Variants in ASIC1 observed in about 807,000 individuals in gnomAD.
The protein encoded by ASIC1 is acid-sensing ion channel 1.
Under a neutral mutation model 63.4 loss-of-function variants are expected in ASIC1, and 21 were observed. The ratio of observed to expected loss-of-function variants is 0.33; its 90% CI spans 0.23 to 0.48. The LOEUF is 0.48. Ranked by LOEUF, ASIC1 falls within the 20% of genes least tolerant of loss-of-function variation. ASIC1 has a pLI of 0.99. For missense variants in ASIC1, 478 were observed against 695.5 expected (o/e 0.69, Z 3.52); for synonymous variants, 258 against 278.2 (o/e 0.93, Z 0.72).
rs931839447 is a variant in ASIC1 at position 50,074,014 on chromosome 12, G to A, written c.559-3199G>A. The A allele has an allele frequency of 4.6e-6, 7 of 1,534,958 alleles. No homozygotes were observed. The African/African-American group carries it at 6.8e-5, about 15-fold the overall frequency. On this transcript the variant is annotated intron_variant, in intron 3 of 11. Coordinates refer to ENST00000447966, the MANE Select transcript of ASIC1 (RefSeq NM_001095.4). The surrounding 1 kb of genome is among the most constrained non-coding windows in gnomAD (Gnocchi z 4.2). ...AGTCACCCTCTGCAACACTAATGCTGTGCGGCTGTCCCAGCTCAGCTACCC... is the reference window on the plus strand; with the variant it reads ...AGTCACCCTCTGCAACACTAATGCTATGCGGCTGTCCCAGCTCAGCTACCC...
intron 3 of ASIC1, among the ~76,000 whole-genome samples, chr12:50,061,118 C>T (rs1385612395): frequency 6.6e-6 from 1 of 152,152 alleles, no homozygotes; most frequent in African/African-American, 2.4e-5. Flanking sequence ...CCAGTCTTTT[C>T]CAGGACCCTT....
At position 50,081,379 on chromosome 12, in the gene ASIC1, G is replaced by A. The variant is rs868055610; in HGVS notation, c.1482+15G>A. 6 of 1,573,758 alleles carry A rather than the reference G, an allele frequency of 3.8e-6. No homozygotes were observed. The highest frequency in any genetic ancestry group is 1.2e-5 in the South Asian group (1 of 86,428). On this transcript the variant is annotated intron_variant, in intron 11 of 11. Coordinates refer to ENST00000447966, the MANE Select transcript of ASIC1 (RefSeq NM_001095.4). The stretch of plus-strand genomic sequence containing the variant: ...TCAAAAGACACGTGAGGGAGCGAGC[G>A]AGGGCGCCCTCCAGCCCGCCTGTGC...
chr12:50,078,921 T>C lies in ASIC1; in HGVS notation c.995-3T>C. The C allele has an allele frequency of 1.9e-6, 3 of 1,613,702 alleles. No individual in the cohort carries two copies. The South Asian group carries it at 3.3e-5, about 18-fold the overall frequency. ...CTGCATCATTGTCTTTTCTCCTCTG[T>C]AGGGGATGCCCCATACTGTACTCCA... On this transcript the variant is annotated splice_polypyrimidine_tract_variant and splice_region_variant and intron_variant, in intron 6 of 11. Transcript: ENST00000447966. The surrounding 1 kb of genome is among the most constrained non-coding windows in gnomAD (Gnocchi z 6.0).
chr12:50,063,225 C>T (rs1199596635), intron 3 of ASIC1, among the ~76,000 whole-genome samples: 1 of 152,162 alleles, frequency 6.6e-6, no homozygotes, highest in Non-Finnish European at 1.5e-5. Flanking sequence ...CAGCTGTCTG[C>T]TGGTGTCTGG....
Position 50,058,756 on chromosome 12 carries a change from C to G in ASIC1, c.-11C>G, listed in dbSNP as rs1312338916. 1.3e-6 allele frequency: 2 copies of G among 1,565,578 alleles called. No homozygotes were observed. Among genetic ancestry groups the G allele is most frequent in the Admixed American group, 3.5e-5 (2 of 57,066 alleles). On this transcript the variant is annotated 5_prime_UTR_variant, in exon 2 of 12. Coordinates refer to ENST00000447966, the MANE Select transcript of ASIC1 (RefSeq NM_001095.4). ...GTCCCTCCCTCCTCCCCCAGGATCCCCTCAACAAGGATGGAACTGAAGGCC... is the reference window on the plus strand; with the variant it reads ...GTCCCTCCCTCCTCCCCCAGGATCCGCTCAACAAGGATGGAACTGAAGGCC...
chr12:50,065,085 AG>A (rs1303977963), intron 3 of ASIC1, among the ~76,000 whole-genome samples: 1 of 152,162 alleles, frequency 6.6e-6, no homozygotes, highest in Non-Finnish European at 1.5e-5. Context: ...GGAAAATGCC[AG>A]GTTCATAGAA....
chr12:50,078,706 GTC>G lies in ASIC1; in HGVS notation c.994+135_994+136del. 3 of 1,453,664 alleles carry G rather than the reference GTC, an allele frequency of 2.1e-6. No homozygotes were observed. The highest frequency in any genetic ancestry group is 2.8e-5 in the African/African-American group (2 of 71,698). The allele number at this position is 1,453,664 out of a possible 1,614,324, so 90.0% of individuals were successfully genotyped here. The stretch of plus-strand genomic sequence containing the variant: ...CCCATCCCACACCCACCTGGCTCAT[GTC>G]TCTCTGACCTCAGTTCCCGCCTGCA... On this transcript the variant is annotated intron_variant, in intron 6 of 11. Transcript: ENST00000447966. The surrounding 1 kb of genome is among the most constrained non-coding windows in gnomAD (Gnocchi z 6.0).
rs551010272 is a variant in ASIC1, at chr12:50,060,907, C to T, written c.558+953C>T. Reference sequence around the variant, plus strand: ...TGCTTTCTAGGCTCCCCTCAATCCCCTTGATACATAATCACATTACCTCTG... The same window carrying T: ...TGCTTTCTAGGCTCCCCTCAATCCCTTTGATACATAATCACATTACCTCTG... On this transcript the variant is annotated intron_variant, in intron 3 of 11. Transcript: ENST00000447966. Among the ~76,000 whole-genome samples, 140 of 152,338 alleles carry T rather than the reference C, an allele frequency of 9.2e-4. 1 individual carries two copies. Among genetic ancestry groups the T allele is most frequent in the Non-Finnish European group, 1.7e-3 (115 of 68,038 alleles).
Position 50,078,733 on chromosome 12 carries a change from AC to A in ASIC1, c.994+161del. On this transcript the variant is annotated intron_variant, in intron 6 of 11. Coordinates refer to ENST00000447966, the MANE Select transcript of ASIC1 (RefSeq NM_001095.4). This position sits in a 1 kb window ranked among gnomAD's most constrained non-coding sequence, Gnocchi z 6.0. ...CTCTCTGACCTCAGTTCCCGCCTGC[AC>A]CCCCAGGGATGGGTGGGAAGGGTCT... 1 of 1,361,032 alleles carries A rather than the reference AC, an allele frequency of 7.3e-7. No homozygotes were observed. The highest frequency in any genetic ancestry group is 1.0e-6 in the Non-Finnish European group (1 of 968,706). 84.3% of individuals were successfully genotyped at this position (1,361,032 alleles called of 1,614,324 possible). A position where few individuals can be genotyped will look rare whatever the true frequency, so the allele number is the denominator to read the frequency against.
Position 50,078,198 on chromosome 12 carries a change from G to A in ASIC1, c.837+71G>A. 6.4e-7 allele frequency: 1 copy of A among 1,563,872 alleles called. No homozygotes were observed. Among genetic ancestry groups the A allele is most frequent in the East Asian group, 2.2e-5 (1 of 44,582 alleles). On this transcript the variant is annotated intron_variant, in intron 5 of 11. Coordinates refer to ENST00000447966, the MANE Select transcript of ASIC1 (RefSeq NM_001095.4). The surrounding 1 kb of genome is among the most constrained non-coding windows in gnomAD (Gnocchi z 6.0). ...GTCCAGATGGAGTGGTGGGCAATCA[G>A]TAATGGGAAGGACAGGTGAGCAAGG...
In ASIC1 at chr12:50,074,077, G is replaced by GA; in HGVS notation, c.559-3133dup. 6.5e-7 allele frequency: 1 copy of GA among 1,535,314 alleles called. No homozygotes were observed. The highest frequency in any genetic ancestry group is 8.7e-7 in the Non-Finnish European group (1 of 1,146,410). On this transcript the variant is annotated intron_variant, in intron 3 of 11. Coordinates refer to ENST00000447966, the MANE Select transcript of ASIC1 (RefSeq NM_001095.4). This position sits in a 1 kb window ranked among gnomAD's most constrained non-coding sequence, Gnocchi z 4.2. The stretch of plus-strand genomic sequence containing the variant: ...TTTGGCCCCCATGCTGGGACTGGAT[G>GA]AAAGTGATGACCCCGGGGTGCCCCT...
At chr12:50,069,120 C>A (rs902558458) in intron 3 of ASIC1, among the ~76,000 whole-genome samples, 1 of 152,296 alleles carries the variant, frequency 6.6e-6, no homozygotes, top group Non-Finnish European at 1.5e-5. Flanking sequence ...TCCTTCCAGG[C>A]CTTTGCATAC....
intron 3 of ASIC1, among the ~76,000 whole-genome samples, chr12:50,064,466 A>G (rs1950528622): frequency 1.3e-5 from 2 of 152,122 alleles, no homozygotes; most frequent in South Asian, 4.1e-4. Flanking sequence ...TTCTGACTCC[A>G]TCCCTCTCTC....
In ASIC1 at chr12:50,078,865, C is replaced by G. The variant is rs1192973940; in HGVS notation, c.995-59C>G. ...TACACCTTCTAGGCCTTTGGTACTACCACCATCACCAGACCCCTTGAATTC... is the reference window on the plus strand; with the variant it reads ...TACACCTTCTAGGCCTTTGGTACTAGCACCATCACCAGACCCCTTGAATTC... On this transcript the variant is annotated intron_variant, in intron 6 of 11. Transcript: ENST00000447966. This position sits in a 1 kb window ranked among gnomAD's most constrained non-coding sequence, Gnocchi z 6.0. The G allele has an allele frequency of 6.4e-7, 1 of 1,568,062 alleles. No individual in the cohort carries two copies. Among genetic ancestry groups the G allele is most frequent in the East Asian group, 2.2e-5 (1 of 44,636 alleles).
chr12:50,079,087 C>A, intron 7 of ASIC1, 107 bp downstream of exon 7: 2 of 1,087,740 alleles, frequency 1.8e-6, no homozygotes, highest in Non-Finnish European at 2.7e-6. Flanking sequence ...AACTCCTGGA[C>A]TGGGCTGCAC....
Position 50,058,993 on chromosome 12 carries a change from A to G in ASIC1, c.227A>G (p.Lys76Arg). 6.2e-7 allele frequency: 1 copy of G among 1,614,184 alleles called. No homozygotes were observed. The highest frequency in any genetic ancestry group is 8.5e-7 in the Non-Finnish European group (1 of 1,180,028). ...QYYFHYHHVTKLDEVAASQLT... is the reference protein window; with the variant it reads ...QYYFHYHHVTRLDEVAASQLT... ...TACTTCCACTACCACCATGTCACCA[A>G]GCTCGACGAGGTGGCTGCCTCTCAG... Residue 76 changes from lysine (K) to arginine (R), a missense_variant, in exon 2 of 12, where the codon AAG becomes AGG. Around this residue, in one of 3 missense-constraint regions of ASIC1, gnomAD observed 290 missense variants for 414.9 expected, o/e 0.70. Transcript: ENST00000447966.
Position 50,070,663 on chromosome 12 carries a change from A to T in ASIC1, c.559-6550A>T, listed in dbSNP as rs138293761. 5.1e-3 allele frequency: 779 copies of T among 152,274 alleles called. 1 individual carries two copies. Among genetic ancestry groups the T allele is most frequent in the Non-Finnish European group, 8.4e-3 (569 of 68,030 alleles). The allele number at this position is 152,274 out of a possible 1,614,324, so 9.4% of individuals were successfully genotyped here. A position where few individuals can be genotyped will look rare whatever the true frequency, so the allele number is the denominator to read the frequency against. On this transcript the variant is annotated intron_variant, in intron 3 of 11. Coordinates refer to ENST00000447966, the MANE Select transcript of ASIC1 (RefSeq NM_001095.4). ...CTTCCCCTTCCAAAACATCTGAAGG[A>T]GGGGGACAGTGCCCTCTAGTGGGAA...
At position 50,059,611 on chromosome 12, in the gene ASIC1, T is replaced by C. The variant is rs1950482001; in HGVS notation, c.363-148T>C. ...AGTTCCTCCTGTCATTTCAGACCCA[T>C]GTGGTAGAGCCTCTGCATGCCCAGC... On this transcript the variant is annotated intron_variant, in intron 2 of 11. Transcript: ENST00000447966. The surrounding 1 kb of genome is among the most constrained non-coding windows in gnomAD (Gnocchi z 4.6). The C allele has an allele frequency of 1.0e-5, 8 of 798,180 alleles. 2 individuals carry two copies. The South Asian group carries it at 1.5e-4, about 15-fold the overall frequency. The allele number at this position is 798,180 out of a possible 1,614,324, so 49.4% of individuals were successfully genotyped here. A position where few individuals can be genotyped will look rare whatever the true frequency, so the allele number is the denominator to read the frequency against.
intron 9 of ASIC1, 99 bp from the exon 10 acceptor site, chr12:50,081,002 AT>A (rs1400398556): frequency 9.0e-7 from 1 of 1,116,736 alleles, no homozygotes; most frequent in Non-Finnish European, 1.3e-6. Flanking sequence ...AAGGCTACCA[AT>A]CCCTTTGAGA....
Sources: allele counts gnomAD v4.1 joint callset (sites outside exome capture counted in the v4.1 genomes callset), GRCh38; gene constraint gnomAD v4.1.1; regional missense constraint gnomAD v4.1.1; non-coding constraint Gnocchi (gnomAD v3.1); transcripts MANE v1.5; gene names NCBI Gene and HGNC (gene_info 2026-07-23, HGNC 2026-07-21).